Variants in GALNT7 observed in about 807,000 individuals in gnomAD.
GALNT7 encodes the protein polypeptide N-acetylgalactosaminyltransferase 7.
A neutral mutation model predicts 82.1 loss-of-function variants in GALNT7; 60 were observed. That is an observed-to-expected ratio of 0.73 (90% CI 0.59 to 0.91). The LOEUF is 0.91. Among genes scored for constraint, GALNT7 ranks in the 40% least tolerant of loss-of-function variants. The pLI is 0.00. For synonymous variants in GALNT7, 243 were observed against 275.1 expected (o/e 0.88, Z 1.15); for missense variants, 660 against 804.2 (o/e 0.82, Z 2.17).
chr4:173,244,424 C>T (rs1266077058), intron 1 of GALNT7, among the ~76,000 whole-genome samples: 1 of 152,134 alleles, frequency 6.6e-6, no homozygotes, highest in Non-Finnish European at 1.5e-5. Context: ...TTAGAAAAGT[C>T]CCTGTGGCTG....
At chr4:173,186,382 T>G (rs568289040) in intron 1 of GALNT7, among the ~76,000 whole-genome samples, 1 of 152,344 alleles carries the variant, frequency 6.6e-6, no homozygotes, top group African/African-American at 2.4e-5. Flanking sequence ...TTAGTGAGTT[T>G]CGCTGAGTGA....
chr4:173,216,007 C>T (rs1403119409), intron 1 of GALNT7, among the ~76,000 whole-genome samples: 1 of 151,966 alleles, frequency 6.6e-6, no homozygotes, highest in Non-Finnish European at 1.5e-5. Context: ...GCCTGTAGTC[C>T]CAGCTACTTG....
At chr4:173,301,968 C>G (rs959758015) in intron 6 of GALNT7, 79 bp from the exon 7 acceptor site, 15 of 726,560 alleles carry the variant, frequency 2.1e-5, no homozygotes, top group Non-Finnish European at 2.7e-5. Flanking sequence ...AGGCTGTATT[C>G]TACAAGGCTT....
chr4:173,256,209 T>C (rs926387115), intron 2 of GALNT7, among the ~76,000 whole-genome samples: 1 of 152,198 alleles, frequency 6.6e-6, no homozygotes, highest in African/African-American at 2.4e-5. Flanking sequence ...GCCGCTATAT[T>C]TAGCTGTCTG....
intron 1 of GALNT7, among the ~76,000 whole-genome samples, chr4:173,183,490 T>TC (rs1361802308): frequency 1.3e-5 from 2 of 151,956 alleles, no homozygotes; most frequent in African/African-American, 4.8e-5. Context: ...TTTTTTTTTT[T>TC]CCCCAAGGCA....
rs1307090102 is a variant in GALNT7 at position 173,266,866 on chromosome 4, A to AGG, written c.587+18428_587+18429dup. Among the ~76,000 whole-genome samples the AGG allele has an allele frequency of 6.1e-3, 399 of 65,624 alleles. 4 individuals are homozygous for AGG. The highest frequency in any genetic ancestry group is 8.3e-3 in the Middle Eastern group (1 of 120). The allele number at this position is 65,624 out of a possible 152,430, so 43.1% of individuals were successfully genotyped here. Reference sequence around the variant, plus strand: ...TAATGACGGCTACCTGAGGCTGGGAAGGGTGTGTGTGTGTGTGTGTGTGTG... The same window carrying AGG: ...TAATGACGGCTACCTGAGGCTGGGAAGGGGGTGTGTGTGTGTGTGTGTGTGTG... On this transcript the variant is annotated intron_variant, in intron 2 of 11. Transcript: ENST00000265000.
chr4:173,312,778 G>C (rs988524422), intron 8 of GALNT7, among the ~76,000 whole-genome samples: 10 of 152,208 alleles, frequency 6.6e-5, no homozygotes, highest in African/African-American at 2.4e-4. Flanking sequence ...ACCAACTGGG[G>C]TCGGGGGCAA....
intron 2 of GALNT7, among the ~76,000 whole-genome samples, chr4:173,283,760 G>A (rs1362949857): frequency 2.6e-5 from 4 of 152,030 alleles, no homozygotes; most frequent in South Asian, 2.1e-4. Flanking sequence ...TCTGCAAGTC[G>A]AACTTGACTC....
At chr4:173,262,065 A>G (rs1207529310) in intron 2 of GALNT7, among the ~76,000 whole-genome samples, 1 of 152,194 alleles carries the variant, frequency 6.6e-6, no homozygotes, top group Non-Finnish European at 1.5e-5. Context: ...TATAGAAGAT[A>G]ACTGAATTCC....
In GALNT7 at chr4:173,319,107, G is replaced by A. The variant is rs1398290974; in HGVS notation, c.1836+548G>A. The stretch of plus-strand genomic sequence containing the variant: ...TTAATGGTCAAATTTAGTTATTCAC[G>A]TGACACTGCTGGGGTAGCTTTGTGT... On this transcript the variant is annotated intron_variant, in intron 11 of 11. Transcript: ENST00000265000. Among the ~76,000 whole-genome samples, 7 of 152,062 alleles carry A rather than the reference G, an allele frequency of 4.6e-5. No individual in the cohort carries two copies. In the East Asian group the frequency reaches 7.7e-4, roughly 17 times the overall value.
chr4:173,232,360 G>C (rs572613070), intron 1 of GALNT7, among the ~76,000 whole-genome samples: 1 of 151,988 alleles, frequency 6.6e-6, no homozygotes, highest in Non-Finnish European at 1.5e-5. Flanking sequence ...ATTTATGGAG[G>C]GCATGGTATA....
intron 1 of GALNT7, among the ~76,000 whole-genome samples, chr4:173,180,664 C>A (rs895838931): frequency 2.0e-5 from 3 of 152,152 alleles, no homozygotes; most frequent in African/African-American, 7.2e-5. Flanking sequence ...ACCTGGAAGT[C>A]AAAGGTATAC....
intron 2 of GALNT7, among the ~76,000 whole-genome samples, chr4:173,274,931 C>T (rs926806578): frequency 6.6e-6 from 1 of 152,206 alleles, no homozygotes; most frequent in Non-Finnish European, 1.5e-5. Context: ...CTGTCGTCTC[C>T]TCTGCTGCTC....
chr4:173,171,435 C>A (rs1177209922), intron 1 of GALNT7, among the ~76,000 whole-genome samples: 2 of 152,340 alleles, frequency 1.3e-5, no homozygotes, highest in East Asian at 3.9e-4. Flanking sequence ...GGTATGGGTT[C>A]TGCCTCTACT....
chr4:173,308,603 A>C (rs1737246965), intron 8 of GALNT7, among the ~76,000 whole-genome samples: 1 of 152,172 alleles, frequency 6.6e-6, no homozygotes, highest in South Asian at 2.1e-4. Flanking sequence ...TATCTCTGTC[A>C]CATAAAATAG....
At position 173,226,086 on chromosome 4, in the gene GALNT7, A is replaced by C. The variant is rs893146101; in HGVS notation, c.127-21894A>C. Among the ~76,000 whole-genome samples, 11 of 152,266 alleles carry C rather than the reference A, an allele frequency of 7.2e-5. No individual in the cohort carries two copies. In the East Asian group the frequency reaches 1.7e-3, roughly 24 times the overall value. On this transcript the variant is annotated intron_variant, in intron 1 of 11. Coordinates refer to ENST00000265000, the MANE Select transcript of GALNT7 (RefSeq NM_017423.3). ...GGCACTCTCTGCAGCCAGGGGAATA[A>C]GTTTTTTAATCCTGAAAGGGCTTCT...
chr4:173,195,816 TG>T (rs1477601887), intron 1 of GALNT7, among the ~76,000 whole-genome samples: 1 of 152,216 alleles, frequency 6.6e-6, no homozygotes, highest in Non-Finnish European at 1.5e-5. Flanking sequence ...ATCTGGCATT[TG>T]GGATTTAATA....
chr4:173,213,949 G>T (rs958005674), intron 1 of GALNT7, among the ~76,000 whole-genome samples: 3 of 151,940 alleles, frequency 2.0e-5, no homozygotes, highest in Admixed American at 2.0e-4. Context: ...TAGACTGAGG[G>T]CTTTTAGATA....
At chr4:173,307,742 A>G (rs1737212634) in intron 8 of GALNT7, among the ~76,000 whole-genome samples, 1 of 152,190 alleles carries the variant, frequency 6.6e-6, no homozygotes, top group South Asian at 2.1e-4. Context: ...GTGTCGGGGC[A>G]GGCCCAGTGC....
Sources: allele counts gnomAD v4.1 joint callset (sites outside exome capture counted in the v4.1 genomes callset), GRCh38; gene constraint gnomAD v4.1.1; transcripts MANE v1.5; gene names NCBI Gene and HGNC (gene_info 2026-07-23, HGNC 2026-07-21).